The following LONP2 variants were observed in gnomAD, a reference collection of about 807,000 sequenced individuals.
LONP2 encodes the protein lon peptidase 2, peroxisomal, also known as lon protease homolog 2, peroxisomal.
In LONP2, 60 loss-of-function variants were observed where a neutral mutation model predicts 85.6. The ratio of observed to expected loss-of-function variants is 0.70; its 90% CI spans 0.57 to 0.87. The LOEUF is 0.87. Ranked by LOEUF, LONP2 falls within the 40% of genes least tolerant of loss-of-function variation. LONP2 has a pLI of 0.00. For synonymous variants in LONP2, 395 were observed against 389.7 expected (o/e 1.01, Z -0.16); for missense variants, 860 against 1,063.5 (o/e 0.81, Z 2.66).
chr16:48,264,135 A>AGTTTC (rs2150971499), intron 6 of LONP2, among the ~76,000 whole-genome samples: 1 of 152,320 alleles, frequency 6.6e-6, no homozygotes, highest in East Asian at 1.9e-4. Flanking sequence ...TTGCTAATGA[A>AGTTTC]GTTTCGGGCA....
At chr16:48,341,846 A>G (rs952238916) in intron 12 of LONP2, among the ~76,000 whole-genome samples, 2 of 152,200 alleles carry the variant, frequency 1.3e-5, no homozygotes, top group Non-Finnish European at 2.9e-5. Context: ...CATAGCTCAC[A>G]CTGCATGTGC....
intron 11 of LONP2, among the ~76,000 whole-genome samples, chr16:48,316,905 G>A (rs921242331): frequency 2.0e-5 from 3 of 152,092 alleles, no homozygotes; most frequent in African/African-American, 4.8e-5. Context: ...AAATACAAGG[G>A]CTGTAACTAT....
chr16:48,256,467 T>TA (rs1298778016), intron 2 of LONP2, 143 bp from the exon 3 acceptor site: 6 of 779,148 alleles, frequency 7.7e-6, no homozygotes, highest in South Asian at 1.7e-5. Flanking sequence ...CTGAGGCCTG[T>TA]AAAATACGTG....
chr16:48,277,286 G>A (rs371627542), intron 7 of LONP2, 52 bp from the exon 8 acceptor site: 255 of 1,573,118 alleles, frequency 1.6e-4, no homozygotes, highest in Non-Finnish European at 2.1e-4. Flanking sequence ...GAATGGCGTC[G>A]CTCCTGCCTC....
At chr16:48,311,569 ATTTTC>A (rs1567335829) in intron 11 of LONP2, among the ~76,000 whole-genome samples, 1 of 151,304 alleles carries the variant, frequency 6.6e-6, no homozygotes, top group Non-Finnish European at 1.5e-5. Context: ...TCCTGAACTG[ATTTTC>A]TGACTTCTTT....
chr16:48,308,613 A>G (rs1040155180), intron 11 of LONP2, among the ~76,000 whole-genome samples: 1 of 148,806 alleles, frequency 6.7e-6, no homozygotes, highest in African/African-American at 2.5e-5. Context: ...GGGGTATCGC[A>G]GCGAGACTCT....
chr16:48,275,160 G>A (rs1429696741), intron 7 of LONP2, among the ~76,000 whole-genome samples: 1 of 152,042 alleles, frequency 6.6e-6, no homozygotes, highest in Non-Finnish European at 1.5e-5. Context: ...TGTGTGCCAG[G>A]GACCGTGCTG....
chr16:48,347,324 T>C (rs1959995543), intron 12 of LONP2, among the ~76,000 whole-genome samples, 183 bp from the exon 13 acceptor site: 1 of 152,220 alleles, frequency 6.6e-6, no homozygotes, highest in Non-Finnish European at 1.5e-5. Flanking sequence ...AGTTTAGGTC[T>C]TTCTTCTGGC....
intron 5 of LONP2, among the ~76,000 whole-genome samples, chr16:48,262,188 A>C (rs1422120334): frequency 6.6e-6 from 1 of 152,208 alleles, no homozygotes; most frequent in African/African-American, 2.4e-5. Context: ...ACACTTTGCT[A>C]AGCATTGCAT....
At chr16:48,255,043 G>T (rs1157394448) in intron 2 of LONP2, among the ~76,000 whole-genome samples, 1 of 152,180 alleles carries the variant, frequency 6.6e-6, no homozygotes, top group African/African-American at 2.4e-5. Context: ...TGTTGGAGAG[G>T]TTTGAATATT....
intron 14 of LONP2, among the ~76,000 whole-genome samples, chr16:48,350,386 CAA>C (rs71380339): frequency 1.3e-4 from 16 of 127,660 alleles, no homozygotes; most frequent in African/African-American, 3.4e-4. Flanking sequence ...AAGACTGTCT[CAA>C]AAAAAAAAAA....
At chr16:48,302,868 G>C (rs1329974585) in intron 10 of LONP2, among the ~76,000 whole-genome samples, 1 of 152,110 alleles carries the variant, frequency 6.6e-6, no homozygotes, top group East Asian at 1.9e-4. Flanking sequence ...AGGAGTAAAT[G>C]GTTTTTTATA....
At chr16:48,269,200 GTTTT>G (rs749826185) in intron 6 of LONP2, among the ~76,000 whole-genome samples, 2 of 125,784 alleles carry the variant, frequency 1.6e-5, no homozygotes, top group Admixed American at 8.0e-5. Flanking sequence ...TACATCATCT[GTTTT>G]TTTTTTTTTT....
chr16:48,350,029 A>C (rs1418500204), intron 14 of LONP2, among the ~76,000 whole-genome samples: 1 of 152,168 alleles, frequency 6.6e-6, no homozygotes, highest in African/African-American at 2.4e-5. Context: ...AAACAGGAGG[A>C]TAGCTCAAGT....
chr16:48,300,444 G>A (rs113175811), intron 10 of LONP2, among the ~76,000 whole-genome samples: 2 of 152,278 alleles, frequency 1.3e-5, no homozygotes, highest in African/African-American at 4.8e-5. Context: ...ATACTCTGTT[G>A]AGAATTTATA....
intron 8 of LONP2, among the ~76,000 whole-genome samples, chr16:48,280,765 G>A (rs747930767): frequency 5.3e-5 from 8 of 152,134 alleles, no homozygotes; most frequent in Admixed American, 4.6e-4. Context: ...CTTCCTCCCT[G>A]CTTGCCCAAG....
intron 11 of LONP2, among the ~76,000 whole-genome samples, chr16:48,316,358 G>A (rs536284849): frequency 6.6e-5 from 8 of 120,804 alleles, no homozygotes; most frequent in South Asian, 2.5e-4. Context: ...ACGGAGTCTC[G>A]CCCTGTTGCT....
At chr16:48,295,851 G>A (rs1055473947) in intron 8 of LONP2, among the ~76,000 whole-genome samples, 164 bp from the exon 9 acceptor site, 40 of 152,174 alleles carry the variant, frequency 2.6e-4, no homozygotes, top group African/African-American at 8.9e-4. Context: ...TATGTAGAAT[G>A]TAGAGAATGC....
chr16:48,280,564 C>T (rs762659555), intron 8 of LONP2, among the ~76,000 whole-genome samples: 1 of 151,866 alleles, frequency 6.6e-6, no homozygotes, highest in African/African-American at 2.4e-5. Flanking sequence ...TTTTGGCAGT[C>T]GATTTATTAG....
Sources: gnomAD v4.1 joint callset for allele counts (sites outside exome capture counted in the v4.1 genomes callset) on GRCh38, gnomAD v4.1.1 for gene constraint, MANE v1.5 for transcripts, NCBI Gene and HGNC (gene_info 2026-07-23, HGNC 2026-07-21) for gene names.